PRKCB: variants seen among roughly 807,000 people sequenced by gnomAD.
PRKCB encodes protein kinase C beta, also known as protein kinase C beta type.
In PRKCB, 13 loss-of-function variants were observed where a neutral mutation model predicts 81.5. The observed-to-expected ratio is 0.16, with a 90% CI of 0.10 to 0.25. The LOEUF (loss-of-function observed/expected upper bound fraction) is 0.25. PRKCB is among the 10% of genes least tolerant of loss of function. PRKCB has a pLI of 1.00. For missense variants in PRKCB, 509 were observed against 875.7 expected, an observed-to-expected ratio of 0.58 and a Z score of 5.29; for synonymous variants, 335 against 321.4, an observed-to-expected ratio of 1.04 and a Z score of -0.45.
chr16:24,004,501 A>G lies in PRKCB; in HGVS notation c.288+15911A>G, dbSNP rs1014167561. Among the ~76,000 whole-genome samples the G allele has an allele frequency of 4.0e-5, 6 of 151,384 alleles. No individual in the cohort carries two copies. The East Asian group carries it at 1.2e-3, about 29-fold the overall frequency. ...TACAAAAAAAAAAAAAAAAAAAAGA[A>G]AAAATTAGCCAGGCATGGTGGCATG... On this transcript the variant is annotated intron_variant, in intron 3 of 16. Transcript: ENST00000643927.
chr16:24,126,221 T>C (rs1966844024), intron 9 of PRKCB, among the ~76,000 whole-genome samples: 1 of 149,956 alleles, frequency 6.7e-6, no homozygotes, highest in Non-Finnish European at 1.5e-5. Context: ...AAAGGGAGTT[T>C]AGAAGTCTAA....
intron 2 of PRKCB, among the ~76,000 whole-genome samples, chr16:23,979,836 T>C (rs1196108132): frequency 6.6e-6 from 1 of 152,148 alleles, no homozygotes; most frequent in East Asian, 1.9e-4. Context: ...TCCCTGTTAA[T>C]ATAACGAGGA....
chr16:23,976,280 A>G (rs898879430), intron 2 of PRKCB, among the ~76,000 whole-genome samples: 2 of 152,132 alleles, frequency 1.3e-5, no homozygotes, highest in East Asian at 1.9e-4. Flanking sequence ...CTTGGGTGAC[A>G]GAGTGAGATT....
chr16:23,890,950 G>T (rs867618338), intron 2 of PRKCB, among the ~76,000 whole-genome samples: 1 of 151,734 alleles, frequency 6.6e-6, no homozygotes, highest in Non-Finnish European at 1.5e-5. Flanking sequence ...CTTTATATAT[G>T]TATGTATGCC....
chr16:24,182,372 T>A (rs1967639435), intron 13 of PRKCB, among the ~76,000 whole-genome samples: 1 of 151,958 alleles, frequency 6.6e-6, no homozygotes, highest in Admixed American at 6.6e-5. Context: ...AAATTAAAAA[T>A]TCGCCAGGTG....
Position 24,220,252 on chromosome 16 carries a change from G to A in PRKCB, c.*5436G>A. On this transcript the variant is annotated 3_prime_UTR_variant, in exon 17 of 17. Coordinates refer to ENST00000643927, the MANE Select transcript of PRKCB (RefSeq NM_002738.7). The stretch of plus-strand genomic sequence containing the variant: ...AGCTTGTCTTAGAGGGCTTTTCTTT[G>A]TATGTGTAGCTTGCTAGTTTGTTTT... 1 of 1,018,962 alleles carries A rather than the reference G, an allele frequency of 9.8e-7. No individual in the cohort carries two copies. Among genetic ancestry groups the A allele is most frequent in the Non-Finnish European group, 1.4e-6 (1 of 706,702 alleles). 63.1% of individuals were successfully genotyped at this position (1,018,962 alleles called of 1,614,324 possible).
chr16:24,089,789 T>TCACACACACA (rs1555496093), intron 5 of PRKCB, among the ~76,000 whole-genome samples: 7 of 149,872 alleles, frequency 4.7e-5, no homozygotes, highest in African/African-American at 1.7e-4. Context: ...TCTCTCTCTC[T>TCACACACACA]CACACACACA....
chr16:24,021,012 C>CTTTCTTTCTT lies in PRKCB; in HGVS notation c.289-11122_289-11113dup, dbSNP rs1596515172. On this transcript the variant is annotated intron_variant, in intron 3 of 16. Coordinates refer to ENST00000643927, the MANE Select transcript of PRKCB (RefSeq NM_002738.7). ...TCTTTCTTTCTTTCTTTCTTTCTTT[C>CTTTCTTTCTT]TTTCTTTCTTTCTTTCTTTCTTTCT... 7.8e-5 allele frequency among the ~76,000 whole-genome samples: 11 copies of CTTTCTTTCTT among 141,644 alleles called. No homozygotes were observed. In the South Asian group the frequency reaches 1.9e-3, roughly 24 times the overall value. 92.9% of individuals were successfully genotyped at this position (141,644 alleles called of 152,430 possible).
intron 5 of PRKCB, among the ~76,000 whole-genome samples, chr16:24,081,535 C>G (rs1966248856): frequency 1.3e-5 from 2 of 152,080 alleles, no homozygotes; most frequent in Non-Finnish European, 2.9e-5. Flanking sequence ...CAGTCCTATT[C>G]AACATCATGT....
At chr16:23,950,572 G>A (rs1003131061) in intron 2 of PRKCB, among the ~76,000 whole-genome samples, 1 of 152,170 alleles carries the variant, frequency 6.6e-6, no homozygotes, top group African/African-American at 2.4e-5. Context: ...TTTAAAATAG[G>A]CTGAGGTCTG....
At chr16:24,119,963 A>G (rs533067646) in intron 8 of PRKCB, among the ~76,000 whole-genome samples, 9 of 152,306 alleles carry the variant, frequency 5.9e-5, no homozygotes, top group Non-Finnish European at 1.3e-4. Flanking sequence ...AACAACTCAA[A>G]TGCCTGTACA....
intron 2 of PRKCB, among the ~76,000 whole-genome samples, chr16:23,848,406 C>G (rs950195697): frequency 8.5e-5 from 13 of 152,068 alleles, no homozygotes; most frequent in Non-Finnish European, 1.9e-4. Context: ...CGGAGCACCT[C>G]GTGGCTGTTG....
At chr16:23,989,710 G>C (rs1964853270) in intron 3 of PRKCB, among the ~76,000 whole-genome samples, 1 of 152,068 alleles carries the variant, frequency 6.6e-6, no homozygotes, top group Non-Finnish European at 1.5e-5. Context: ...CAAAAGTTTT[G>C]GTACAAATGT....
intron 2 of PRKCB, among the ~76,000 whole-genome samples, chr16:23,844,778 A>G (rs1418877012): frequency 6.6e-6 from 1 of 150,774 alleles, no homozygotes; most frequent in African/African-American, 2.4e-5. Flanking sequence ...AAGTGCTGAG[A>G]TTATAGGCGT....
At chr16:24,124,543 C>T (rs544403627) in intron 9 of PRKCB, among the ~76,000 whole-genome samples, 32 of 152,276 alleles carry the variant, frequency 2.1e-4, no homozygotes, top group Non-Finnish European at 4.1e-4. Context: ...AGAATGGAAA[C>T]GGTTCCTTTC....
chr16:24,074,145 AAAG>A (rs1435755450), intron 5 of PRKCB, among the ~76,000 whole-genome samples: 1 of 152,106 alleles, frequency 6.6e-6, no homozygotes, highest in Non-Finnish European at 1.5e-5. Flanking sequence ...AAAAAAAAAA[AAAG>A]AAGAGCAAGT....
At position 24,217,670 on chromosome 16, in the gene PRKCB, G is replaced by T. The variant is rs779978881; in HGVS notation, c.*2854G>T. ...AGCCATCACCAGCACAACAAACGGG[G>T]CAGGGCTTTCCAAGGTGGGGCTGGT... On this transcript the variant is annotated 3_prime_UTR_variant, in exon 17 of 17. Coordinates refer to ENST00000643927, the MANE Select transcript of PRKCB (RefSeq NM_002738.7). 1 of 985,580 alleles carries T rather than the reference G, an allele frequency of 1.0e-6. No homozygotes were observed. Among genetic ancestry groups the T allele is most frequent in the Non-Finnish European group, 1.2e-6 (1 of 830,082 alleles). 61.1% of individuals were successfully genotyped at this position (985,580 alleles called of 1,614,324 possible).
chr16:24,042,235 T>G (rs1273746524), intron 5 of PRKCB, among the ~76,000 whole-genome samples: 1 of 152,170 alleles, frequency 6.6e-6, no homozygotes, highest in Non-Finnish European at 1.5e-5. Context: ...AGTCTCTGCC[T>G]TCAAAGCCAT....
At chr16:23,961,643 A>AC (rs1255459253) in intron 2 of PRKCB, among the ~76,000 whole-genome samples, 5 of 152,206 alleles carry the variant, frequency 3.3e-5, no homozygotes, top group Non-Finnish European at 5.9e-5. Context: ...GAGATGTAAT[A>AC]CAGGTTGAGC....
Sources: gnomAD v4.1 joint callset for allele counts (sites outside exome capture counted in the v4.1 genomes callset) on GRCh38, gnomAD v4.1.1 for gene constraint, MANE v1.5 for transcripts, NCBI Gene and HGNC (gene_info 2026-07-23, HGNC 2026-07-21) for gene names.